The following ARNT2 variants were observed in gnomAD, a reference collection of about 807,000 sequenced individuals.
ARNT2 encodes the protein ARNT protein 2.
ARNT2 carries 36 observed loss-of-function variants against 91.7 expected under a neutral mutation model. That is an observed-to-expected ratio of 0.39 (90% CI 0.30 to 0.52). ARNT2 has a LOEUF of 0.52. Ranked by LOEUF, ARNT2 falls within the 20% of genes least tolerant of loss-of-function variation. The pLI is 0.72. For synonymous variants in ARNT2, 365 were observed against 347.1 expected, an observed-to-expected ratio of 1.05 and a Z score of -0.57; for missense variants, 775 against 939.3, an observed-to-expected ratio of 0.83 and a Z score of 2.29.
intron 17 of ARNT2, among the ~76,000 whole-genome samples, chr15:80,588,409 G>A (rs917029775): frequency 4.0e-5 from 6 of 151,714 alleles, no homozygotes; most frequent in African/African-American, 7.3e-5. Flanking sequence ...TTCCTTTCTC[G>A]GTTGGTCTCT....
At chr15:80,520,321 A>G (rs1897519957) in intron 8 of ARNT2, among the ~76,000 whole-genome samples, 1 of 152,196 alleles carries the variant, frequency 6.6e-6, no homozygotes, top group South Asian at 2.1e-4. Flanking sequence ...AGGAAGCAGA[A>G]TGGTATCAGG....
chr15:80,492,343 T>C (rs781526764), intron 5 of ARNT2, among the ~76,000 whole-genome samples: 15 of 152,220 alleles, frequency 9.9e-5, no homozygotes, highest in Non-Finnish European at 1.8e-4. Flanking sequence ...TGGCTCAGTG[T>C]CTTGATTACT....
rs756693061 is a variant in ARNT2 at position 80,580,525 on chromosome 15, G to T, written c.1728G>T (p.Gly576=). ...QLNQSQVAWT[G]SRPPFPGQQI... is the part of the protein sequence containing the mutation. The stretch of plus-strand genomic sequence containing the variant: ...ACCAGAGTCAGGTGGCATGGACAGG[G>T]AGTCGTCCGCCCTTTCCGGGACAGG... Residue 576 remains glycine, a synonymous_variant, in exon 16 of 19, where the codon GGG becomes GGT. Coordinates refer to ENST00000303329, the MANE Select transcript of ARNT2 (RefSeq NM_014862.4). 1 of 1,614,138 alleles carries T rather than the reference G, an allele frequency of 6.2e-7. No homozygotes were observed. Among genetic ancestry groups the T allele is most frequent in the Admixed American group, 1.7e-5 (1 of 60,024 alleles).
intron 1 of ARNT2, among the ~76,000 whole-genome samples, chr15:80,415,444 A>G (rs375900695): frequency 1.8e-4 from 27 of 152,302 alleles, no homozygotes; most frequent in African/African-American, 6.3e-4. Context: ...AAGTATTGTG[A>G]AAGAAAGGAG....
At position 80,557,889 on chromosome 15, in the gene ARNT2, T is replaced by G. The variant is rs146850094; in HGVS notation, c.1164+2750T>G. 8.0e-3 allele frequency among the ~76,000 whole-genome samples: 1,211 copies of G among 152,294 alleles called. 18 individuals carry two copies. The highest frequency in any genetic ancestry group is 0.027 in the African/African-American group (1,139 of 41,554). ...GCCATTCGGAAGACATAAATTAGGT[T>G]TTGCCACGTCTTTACTTAAAACATG... On this transcript the variant is annotated intron_variant, in intron 11 of 18. Transcript: ENST00000303329.
At chr15:80,497,850 A>G (rs920252724) in intron 5 of ARNT2, among the ~76,000 whole-genome samples, 1 of 152,246 alleles carries the variant, frequency 6.6e-6, no homozygotes, top group Non-Finnish European at 1.5e-5. Context: ...AGTGAGGAAG[A>G]AAGGCCTTCT....
chr15:80,486,276 A>G (rs1896971756), intron 5 of ARNT2, among the ~76,000 whole-genome samples: 1 of 152,182 alleles, frequency 6.6e-6, no homozygotes, highest in Non-Finnish European at 1.5e-5. Flanking sequence ...TTCTTTCCAA[A>G]TAAGGTCACA....
intron 1 of ARNT2, among the ~76,000 whole-genome samples, chr15:80,443,845 G>A (rs376422031): frequency 1.3e-5 from 2 of 152,220 alleles, no homozygotes; most frequent in African/African-American, 4.8e-5. Context: ...GGTGACAGAC[G>A]AGAGAAGGTT....
rs74639032 is a variant in ARNT2 at position 80,476,334 on chromosome 15, C to T, written c.622+1111C>T. 5.9e-3 allele frequency among the ~76,000 whole-genome samples: 901 copies of T among 152,252 alleles called. 15 individuals carry two copies. The highest frequency in any genetic ancestry group is 0.021 in the African/African-American group (856 of 41,520). ...GAATTTTGTGTATTTCCGTGTGGCC[C>T]GGTTCAGCTAGGCACAACCTTTCTA... On this transcript the variant is annotated intron_variant, in intron 5 of 18. Transcript: ENST00000303329.
chr15:80,532,848 C>G (rs112404997), intron 8 of ARNT2, among the ~76,000 whole-genome samples: 1,942 of 152,234 alleles, frequency 0.013, 31 homozygotes, highest in African/African-American at 0.045. Context: ...CAGTGGGAGA[C>G]CTTTGAGGTT....
chr15:80,565,484 G>A (rs948445004), intron 12 of ARNT2, among the ~76,000 whole-genome samples: 3 of 151,412 alleles, frequency 2.0e-5, no homozygotes, highest in Non-Finnish European at 4.4e-5. Flanking sequence ...ATCAGTGTGT[G>A]AGCATTCTCT....
intron 8 of ARNT2, among the ~76,000 whole-genome samples, chr15:80,531,978 G>A (rs890989823): frequency 6.6e-6 from 1 of 152,140 alleles, no homozygotes; most frequent in Admixed American, 6.5e-5. Context: ...AAGCCAGCTC[G>A]GCAGTGGGCG....
At chr15:80,466,238 G>A (rs2078739285) in intron 3 of ARNT2, among the ~76,000 whole-genome samples, 1 of 152,164 alleles carries the variant, frequency 6.6e-6, no homozygotes, top group African/African-American at 2.4e-5. Flanking sequence ...ATTAAACTTA[G>A]GAGGTCCCCA....
chr15:80,475,410 A>C lies in ARNT2; in HGVS notation c.622+187A>C. ...TCTACAAAAAATACAAAAACAAAAA[A>C]TTTGCCAGGCGTGGTGGTGGGCGCC... On this transcript the variant is annotated intron_variant, in intron 5 of 18. Coordinates refer to ENST00000303329, the MANE Select transcript of ARNT2 (RefSeq NM_014862.4). 6 of 553,782 alleles carry C rather than the reference A, an allele frequency of 1.1e-5. No individual in the cohort carries two copies. The South Asian group carries it at 1.2e-4, about 11-fold the overall frequency. The allele number at this position is 553,782 out of a possible 1,614,324, so 34.3% of individuals were successfully genotyped here.
chr15:80,503,044 T>G (rs980500440), intron 5 of ARNT2, among the ~76,000 whole-genome samples: 2 of 152,220 alleles, frequency 1.3e-5, no homozygotes, highest in Admixed American at 1.3e-4. Flanking sequence ...TCTAGGGATC[T>G]GCTGGGAGTC....
At chr15:80,554,873 G>A in intron 10 of ARNT2, 192 bp from the exon 11 acceptor site, 1 of 548,642 alleles carries the variant, frequency 1.8e-6, no homozygotes, top group East Asian at 2.9e-5. Flanking sequence ...AGAACTTAGA[G>A]TGAATACCAA....
chr15:80,414,487 C>A (rs960383227), intron 1 of ARNT2, among the ~76,000 whole-genome samples: 1 of 152,274 alleles, frequency 6.6e-6, no homozygotes, highest in East Asian at 1.9e-4. Flanking sequence ...CCCTTTAAAA[C>A]ATGTCAAGAA....
chr15:80,464,184 G>C (rs1896612633), intron 3 of ARNT2, among the ~76,000 whole-genome samples: 1 of 152,140 alleles, frequency 6.6e-6, no homozygotes, highest in African/African-American at 2.4e-5. Context: ...ACCAGTTAGT[G>C]CTCTGTTGGG....
intron 8 of ARNT2, among the ~76,000 whole-genome samples, chr15:80,524,073 G>A (rs1897595361): frequency 1.3e-5 from 2 of 152,188 alleles, no homozygotes; most frequent in South Asian, 4.1e-4. Context: ...AGAAGGCAGA[G>A]TTTAACTTAA....
Sources: allele counts gnomAD v4.1 joint callset (sites outside exome capture counted in the v4.1 genomes callset), GRCh38; gene constraint gnomAD v4.1.1; transcripts MANE v1.5; gene names NCBI Gene and HGNC (gene_info 2026-07-23, HGNC 2026-07-21).